The following GRID2 variants were observed in gnomAD, a reference collection of about 807,000 sequenced individuals.
The protein encoded by GRID2 is glutamate ionotropic receptor delta type subunit 2.
Under a neutral mutation model 114.8 loss-of-function variants are expected in GRID2, and 33 were observed. The observed-to-expected ratio is 0.29, with a 90% confidence interval of 0.22 to 0.38. GRID2 has a LOEUF of 0.38. Ranked by LOEUF, GRID2 falls within the 10% of genes least tolerant of loss-of-function variation. The pLI is 1.00. For missense variants in GRID2, 1,184 were observed against 1,257.7 expected, an observed-to-expected ratio of 0.94 and a Z score of 0.89; for synonymous variants, 505 against 449.9, an observed-to-expected ratio of 1.12 and a Z score of -1.55.
At chr4:93,602,118 G>A (rs1274792372) in intron 13 of GRID2, among the ~76,000 whole-genome samples, 1 of 152,266 alleles carries the variant, frequency 6.6e-6, no homozygotes, top group South Asian at 2.1e-4. Flanking sequence ...TTAAGAGTTA[G>A]TTTACTCATT....
chr4:93,262,704 A>G (rs1750383630), intron 8 of GRID2, among the ~76,000 whole-genome samples: 1 of 151,908 alleles, frequency 6.6e-6, no homozygotes, highest in Non-Finnish European at 1.5e-5. Flanking sequence ...ACGTTTTATA[A>G]CTCTATAAAT....
At chr4:93,560,585 G>T (rs1186115800) in intron 13 of GRID2, among the ~76,000 whole-genome samples, 1 of 152,104 alleles carries the variant, frequency 6.6e-6, no homozygotes, top group African/African-American at 2.4e-5. Flanking sequence ...AAACACTGGG[G>T]ATAATATTTT....
chr4:92,317,918 T>A (rs1432934728), intron 1 of GRID2, among the ~76,000 whole-genome samples: 1 of 152,172 alleles, frequency 6.6e-6, no homozygotes, highest in African/African-American at 2.4e-5. Flanking sequence ...ATCATATTTA[T>A]GGTGATTTTT....
intron 2 of GRID2, among the ~76,000 whole-genome samples, chr4:92,838,628 C>T (rs1287171984): frequency 6.6e-6 from 1 of 152,040 alleles, no homozygotes; most frequent in Non-Finnish European, 1.5e-5. Flanking sequence ...TTTCTATTAT[C>T]AAATGTAACC....
intron 1 of GRID2, among the ~76,000 whole-genome samples, chr4:92,540,804 A>G (rs941808820): frequency 6.6e-6 from 1 of 152,190 alleles, no homozygotes; most frequent in Non-Finnish European, 1.5e-5. Flanking sequence ...TATATACCCA[A>G]AGGATTATAA....
intron 12 of GRID2, among the ~76,000 whole-genome samples, chr4:93,514,519 G>C (rs1729510578): frequency 6.6e-6 from 1 of 151,434 alleles, no homozygotes; most frequent in Non-Finnish European, 1.5e-5. Context: ...TCTTGCGTTG[G>C]AAATACTATG....
At chr4:93,779,208 C>CT (rs5860347), downstream of GRID2, among the ~76,000 whole-genome samples, 55,196 of 144,056 alleles carry the variant, frequency 0.38, 10,859 homozygotes, top group East Asian at 0.75. Flanking sequence ...GTCTCTTTCC[C>CT]TTTTTTTTTT....
chr4:93,589,447 T>C (rs1456089046), intron 13 of GRID2, among the ~76,000 whole-genome samples: 2 of 152,026 alleles, frequency 1.3e-5, no homozygotes, highest in African/African-American at 2.4e-5. Flanking sequence ...TAATCTAGTC[T>C]ATCATTGTTG....
chr4:92,610,575 C>T (rs1449735308), intron 2 of GRID2, among the ~76,000 whole-genome samples: 1 of 151,484 alleles, frequency 6.6e-6, no homozygotes, highest in East Asian at 1.9e-4. Flanking sequence ...CTTCCTCGTC[C>T]TTCACGCTGT....
intron 2 of GRID2, among the ~76,000 whole-genome samples, chr4:92,830,308 T>TA (rs1164418887): frequency 6.6e-6 from 1 of 151,808 alleles, no homozygotes; most frequent in East Asian, 1.9e-4. Context: ...TTTTTTTTTT[T>TA]ATTCTGAAAG....
intron 2 of GRID2, among the ~76,000 whole-genome samples, chr4:92,781,070 C>T (rs534527149): frequency 9.7e-4 from 148 of 152,050 alleles, no homozygotes; most frequent in African/African-American, 3.5e-3. Context: ...AATGGTGAAA[C>T]TCGGTCTCTA....
intron 2 of GRID2, among the ~76,000 whole-genome samples, chr4:92,634,126 C>A (rs200294540): frequency 0.055 from 8,100 of 147,900 alleles, 292 homozygotes; most frequent in East Asian, 0.16. Context: ...AAAAAAAAAA[C>A]AACAAAAAAC....
chr4:92,417,548 A>C (rs888781185), intron 1 of GRID2, among the ~76,000 whole-genome samples: 1 of 152,154 alleles, frequency 6.6e-6, no homozygotes, highest in South Asian at 2.1e-4. Context: ...GTAAAGGCAC[A>C]ATATCATCGC....
chr4:93,604,476 A>G (rs141692114), intron 13 of GRID2, among the ~76,000 whole-genome samples: 3 of 152,356 alleles, frequency 2.0e-5, no homozygotes, highest in Admixed American at 6.5e-5. Flanking sequence ...TGAAGATGTT[A>G]TAAACATTGT....
chr4:92,903,297 A>G (rs2149482659), intron 2 of GRID2, among the ~76,000 whole-genome samples: 1 of 152,010 alleles, frequency 6.6e-6, no homozygotes, highest in Admixed American at 6.6e-5. Flanking sequence ...TAACAATGTG[A>G]ACTCAGGCAG....
At chr4:92,504,356 G>C (rs1220931894) in intron 1 of GRID2, among the ~76,000 whole-genome samples, 1 of 151,996 alleles carries the variant, frequency 6.6e-6, no homozygotes, top group East Asian at 1.9e-4. Context: ...TTACATGTCA[G>C]GACTGTGTGC....
At chr4:93,181,451 C>A (rs1371075219) in intron 4 of GRID2, among the ~76,000 whole-genome samples, 2 of 152,260 alleles carry the variant, frequency 1.3e-5, no homozygotes, top group Non-Finnish European at 1.5e-5. Context: ...AACTTAAAGT[C>A]ATCAGCTATA....
In GRID2 at chr4:93,592,059, A is replaced by C. The variant is rs182026691; in HGVS notation, c.2194-34210A>C. On this transcript the variant is annotated intron_variant, in intron 13 of 15. Coordinates refer to ENST00000282020, the MANE Select transcript of GRID2 (RefSeq NM_001510.4). ...GGTATTTTGTGTCTCTATTTCCTTC[A>C]GTTCTGCTCTGATTTTAGTTATTTC... Among the ~76,000 whole-genome samples the C allele has an allele frequency of 1.3e-5, 2 of 151,752 alleles. 1 individual carries two copies. Among genetic ancestry groups the C allele is most frequent in the Non-Finnish European group, 2.9e-5 (2 of 67,912 alleles).
At chr4:92,909,296 C>A (rs1748196053) in intron 2 of GRID2, among the ~76,000 whole-genome samples, 1 of 150,690 alleles carries the variant, frequency 6.6e-6, no homozygotes, top group African/African-American at 2.4e-5. Context: ...TTTAGCAAAC[C>A]AAAACTTGTT....
Sources: allele counts gnomAD v4.1 joint callset (sites outside exome capture counted in the v4.1 genomes callset), GRCh38; gene constraint gnomAD v4.1.1; transcripts MANE v1.5; gene names NCBI Gene and HGNC (gene_info 2026-07-23, HGNC 2026-07-21).